The following EYS variants were observed in gnomAD, a reference collection of about 807,000 sequenced individuals.
EYS encodes the protein EGF-like photoreceptor maintenance factor, also known as protein eyes shut homolog.
In EYS, 250 loss-of-function variants were observed where a neutral mutation model predicts 282.1. That is an observed-to-expected ratio of 0.89 (90% CI 0.80 to 0.98). The LOEUF (loss-of-function observed/expected upper bound fraction) is 0.98, where lower values mean the gene tolerates loss of function less well. Among genes scored for constraint, EYS ranks in the 50% least tolerant of loss-of-function variants. The pLI is 0.00. For missense variants in EYS, 4,016 were observed against 3,709.0 expected (o/e 1.08, Z -2.15); for synonymous variants, 1,355 against 1,282.9 (o/e 1.06, Z -1.20).
chr6:65,503,841 G>A (rs1036804809), intron 2 of EYS, among the ~76,000 whole-genome samples: 6 of 151,576 alleles, frequency 4.0e-5, no homozygotes, highest in Non-Finnish European at 5.9e-5. Flanking sequence ...TCAATACCAG[G>A]CTACCTTGAT....
chr6:64,749,380 A>G (rs892421962), intron 22 of EYS, among the ~76,000 whole-genome samples: 6 of 152,198 alleles, frequency 3.9e-5, no homozygotes, highest in Admixed American at 2.6e-4. Context: ...TTCTAATATC[A>G]AAGAACATGG....
At chr6:65,529,078 T>C (rs1002412363) in intron 2 of EYS, among the ~76,000 whole-genome samples, 1 of 152,062 alleles carries the variant, frequency 6.6e-6, no homozygotes, top group Non-Finnish European at 1.5e-5. Context: ...TTAACCGCCA[T>C]CTTGAAGTGG....
At chr6:64,196,875 C>A (rs1765306559) in intron 31 of EYS, among the ~76,000 whole-genome samples, 1 of 151,602 alleles carries the variant, frequency 6.6e-6, no homozygotes, top group African/African-American at 2.4e-5. Context: ...GCACATGTAC[C>A]CTAAAACTTA....
chr6:65,433,889 T>C (rs566298390), intron 5 of EYS, among the ~76,000 whole-genome samples: 1 of 152,326 alleles, frequency 6.6e-6, no homozygotes, highest in East Asian at 1.9e-4. Flanking sequence ...TGGGTTTAAT[T>C]TGAGAATGAG....
intron 29 of EYS, among the ~76,000 whole-genome samples, chr6:64,345,904 C>A (rs1310740108): frequency 2.0e-5 from 3 of 152,258 alleles, no homozygotes; most frequent in East Asian, 1.9e-4. Flanking sequence ...TATGAACAGA[C>A]ACTTCTCAAA....
intron 22 of EYS, among the ~76,000 whole-genome samples, chr6:64,633,447 T>TG: frequency 6.6e-6 from 1 of 152,202 alleles, no homozygotes; most frequent in South Asian, 2.1e-4. Context: ...AAGACAGAGC[T>TG]GGGTGCAGGT....
intron 29 of EYS, among the ~76,000 whole-genome samples, chr6:64,324,945 C>T (rs566778137): frequency 6.6e-6 from 1 of 152,286 alleles, no homozygotes; most frequent in East Asian, 1.9e-4. Flanking sequence ...CTACAAAACA[C>T]TGCCGAAAGA....
intron 12 of EYS, among the ~76,000 whole-genome samples, chr6:65,282,425 CAT>C (rs1298770359): frequency 4.0e-5 from 6 of 151,802 alleles, no homozygotes; most frequent in Non-Finnish European, 7.4e-5. Context: ...TAAATAAAAA[CAT>C]AACATTGGCT....
At chr6:63,968,734 G>C (rs1562123108) in intron 35 of EYS, among the ~76,000 whole-genome samples, 1 of 152,106 alleles carries the variant, frequency 6.6e-6, no homozygotes. Context: ...CTTCCTCTCA[G>C]TAAAAATCTC....
chr6:63,742,042 A>G, intron 41 of EYS: 2 of 694,602 alleles, frequency 2.9e-6, no homozygotes, highest in South Asian at 1.5e-5. Flanking sequence ...GCAGTCTAAT[A>G]TCTTCTGTCG....
chr6:64,727,857 C>T (rs1771811124), intron 22 of EYS, among the ~76,000 whole-genome samples: 2 of 152,146 alleles, frequency 1.3e-5, no homozygotes, highest in South Asian at 4.1e-4. Flanking sequence ...TACAAAGTAG[C>T]CTAATAAGTA....
intron 22 of EYS, among the ~76,000 whole-genome samples, chr6:64,675,428 CTTTTTTTTTT>C (rs56346431): frequency 1.7e-5 from 2 of 114,626 alleles, no homozygotes; most frequent in East Asian, 2.6e-4. Flanking sequence ...CTTTTTTTTT[CTTTTTTTTTT>C]TTTTTTTGAG....
intron 12 of EYS, among the ~76,000 whole-genome samples, chr6:65,227,062 C>T (rs1299607020): frequency 6.6e-6 from 1 of 151,342 alleles, no homozygotes; most frequent in African/African-American, 2.4e-5. Flanking sequence ...TAGAGAATCC[C>T]ATCTCTACTA....
intron 12 of EYS, among the ~76,000 whole-genome samples, chr6:65,157,901 T>C (rs1423992703): frequency 2.0e-5 from 3 of 150,870 alleles, no homozygotes; most frequent in Non-Finnish European, 4.5e-5. Flanking sequence ...CTATATCATG[T>C]ATAGCGTATT....
chr6:64,737,281 T>TAATTCA (rs1369350796), intron 22 of EYS, among the ~76,000 whole-genome samples: 1 of 152,238 alleles, frequency 6.6e-6, no homozygotes, highest in Non-Finnish European at 1.5e-5. Flanking sequence ...TTTCTTTTCC[T>TAATTCA]AATTCAATAT....
At chr6:65,332,937 A>G (rs1769848829) in intron 11 of EYS, among the ~76,000 whole-genome samples, 1 of 151,136 alleles carries the variant, frequency 6.6e-6, no homozygotes, top group African/African-American at 2.4e-5. Context: ...GCATTTCTTT[A>G]TAATTATTTT....
At chr6:64,701,098 C>T (rs1293647147) in intron 22 of EYS, among the ~76,000 whole-genome samples, 1 of 151,950 alleles carries the variant, frequency 6.6e-6, no homozygotes. Context: ...TTTGACAAAG[C>T]TGATGAAAAC....
intron 41 of EYS, among the ~76,000 whole-genome samples, chr6:63,751,603 T>C (rs1240652384): frequency 6.6e-6 from 1 of 152,172 alleles, no homozygotes; most frequent in Non-Finnish European, 1.5e-5. Flanking sequence ...TTAAGCAGTC[T>C]GACAAATTTT....
chr6:64,337,031 G>A (rs536903237), intron 29 of EYS, among the ~76,000 whole-genome samples: 2 of 151,978 alleles, frequency 1.3e-5, no homozygotes, highest in Non-Finnish European at 2.9e-5. Flanking sequence ...GGCTGAAAGA[G>A]CACAAACTGA....
Sources: allele counts gnomAD v4.1 joint callset (sites outside exome capture counted in the v4.1 genomes callset), GRCh38; gene constraint gnomAD v4.1.1; transcripts MANE v1.5; gene names NCBI Gene and HGNC (gene_info 2026-07-23, HGNC 2026-07-21).